Variants in TRIM66 observed in about 807,000 individuals in gnomAD.
TRIM66 encodes tripartite motif-containing protein 66.
TRIM66 carries 99 observed loss-of-function variants against 148.2 expected under a neutral mutation model. The observed-to-expected ratio is 0.67, with a 90% confidence interval of 0.57 to 0.79. TRIM66 has a LOEUF of 0.79. TRIM66 is among the 30% of genes least tolerant of loss of function. The pLI is 0.00. For synonymous variants in TRIM66, 616 were observed against 635.9 expected (o/e 0.97, Z 0.47); for missense variants, 1,666 against 1,697.9 (o/e 0.98, Z 0.33).
Position 8,671,952 on chromosome 11 carries a change from A to G in TRIM66, c.174T>C (p.Ser58=). 1.3e-6 allele frequency: 2 copies of G among 1,535,952 alleles called. No individual in the cohort carries two copies. The highest frequency in any genetic ancestry group is 1.7e-6 in the Non-Finnish European group (2 of 1,146,872). Residue 58 remains serine, a synonymous_variant, in exon 6 of 25, where the codon AGT becomes AGC. Coordinates refer to ENST00000646038, the MANE Select transcript of TRIM66 (RefSeq NM_001388022.1). ...PLAGQKHCPK[S]GQMEAMVMTC... ...TCATTACCATGGCCTCCATCTGTCC[A>G]CTCTTAGGGCAGTGTTTCTGGCCAG...
chr11:8,621,624 C>A, intron 19 of TRIM66, 21 bp downstream of exon 19: 2 of 1,504,490 alleles, frequency 1.3e-6, no homozygotes, highest in South Asian at 1.3e-5. Context: ...GGTTTAAGGC[C>A]AAGGCAAAGC....
rs1214106740 is a variant in TRIM66, at chr11:8,624,557, A to G, written c.2827-6T>C. ...GTGGAATCCTCACTTTCCATCTTTC[A>G]AAAGTGAAATGTCGACAAGAATCAA... On this transcript the variant is annotated splice_polypyrimidine_tract_variant and splice_region_variant and intron_variant, in intron 16 of 24. Transcript: ENST00000646038. 2 of 1,521,568 alleles carry G rather than the reference A, an allele frequency of 1.3e-6. No individual in the cohort carries two copies. Among genetic ancestry groups the G allele is most frequent in the Non-Finnish European group, 1.8e-6 (2 of 1,134,846 alleles). The allele number at this position is 1,521,568 out of a possible 1,614,324, so 94.3% of individuals were successfully genotyped here.
In TRIM66 at chr11:8,621,281, C is replaced by T. The variant is rs981245926; in HGVS notation, c.3296G>A (p.Gly1099Asp). The T allele has an allele frequency of 7.7e-6, 12 of 1,551,566 alleles. No homozygotes were observed. Among genetic ancestry groups the T allele is most frequent in the Non-Finnish European group, 1.0e-5 (12 of 1,147,006 alleles). The part of the protein sequence containing the change: ...DRLSEATQAP[G>D]LEGRKVTVTS... ...GACAGTGACCTTTCTTCCCTCCAGA[C>T]CTGGGGCCTGGGTGGCCTCAGACAG... The change falls in exon 20 of 25, where the codon GGT (glycine) becomes GAT (aspartate). Residue 1099 changes from glycine to aspartate, a missense_variant. Transcript: ENST00000646038.
intron 6 of TRIM66, among the ~76,000 whole-genome samples, chr11:8,666,444 T>A (rs928354558): frequency 1.3e-5 from 2 of 151,154 alleles, no homozygotes; most frequent in African/African-American, 4.9e-5. Context: ...CATGTTTCCA[T>A]CTAACAGGCT....
rs550218863 is a variant in TRIM66 at position 8,658,805 on chromosome 11, G to T, written c.341-6902C>A. 38 of 984,886 alleles carry T rather than the reference G, an allele frequency of 3.9e-5. No homozygotes were observed. In the African/African-American group the frequency reaches 5.9e-4, roughly 15 times the overall value. The allele number at this position is 984,886 out of a possible 1,614,324, so 61.0% of individuals were successfully genotyped here. ...TGCCCCCGGCACTGAAGGAGGGTGTGGGGGGGCCTTCAACAGACATTGAAA... is the reference window on the plus strand; with the variant it reads ...TGCCCCCGGCACTGAAGGAGGGTGTTGGGGGGCCTTCAACAGACATTGAAA... On this transcript the variant is annotated intron_variant, in intron 6 of 24. Transcript: ENST00000646038.
intron 1 of TRIM66, chr11:8,682,316 G>A (rs1565588156): frequency 1.3e-5 from 2 of 158,236 alleles, no homozygotes; most frequent in South Asian, 1.5e-4. Flanking sequence ...GGATTAAAGA[G>A]GGCCTCGCGG....
At position 8,621,803 on chromosome 11, in the gene TRIM66, G is replaced by GCTCA; in HGVS notation, c.3093_3096dup (p.His1033Ter). 6.5e-7 allele frequency: 1 copy of GCTCA among 1,548,324 alleles called. No homozygotes were observed. The highest frequency in any genetic ancestry group is 8.7e-7 in the Non-Finnish European group (1 of 1,145,658). On this transcript the variant is annotated stop_gained and frameshift_variant, in exon 19 of 25. Coordinates refer to ENST00000646038, the MANE Select transcript of TRIM66 (RefSeq NM_001388022.1). LOFTEE classifies it high-confidence loss of function. ...TCCAGTCGCACATAGGGAATCTTATGCTCACTATTGAAGGCTCTGCAGCAA... is the reference window on the plus strand; with the variant it reads ...TCCAGTCGCACATAGGGAATCTTATGCTCACTCACTATTGAAGGCTCTGCAGCAA...
chr11:8,678,523 GCTTATA>G (rs1250879662), intron 3 of TRIM66, among the ~76,000 whole-genome samples: 3 of 152,112 alleles, frequency 2.0e-5, no homozygotes, highest in African/African-American at 4.8e-5. Context: ...GATTTGAGTT[GCTTATA>G]CTTATATTTT....
At chr11:8,621,385 G>A in intron 19 of TRIM66, 64 bp from the exon 20 acceptor site, 3 of 1,490,384 alleles carry the variant, frequency 2.0e-6, no homozygotes, top group Admixed American at 2.2e-5. Flanking sequence ...AGGGAGGGGA[G>A]GGAGAGACTG....
Position 8,620,540 on chromosome 11 carries a change from A to C in TRIM66, c.3578T>G (p.Leu1193Arg). 6.4e-7 allele frequency: 1 copy of C among 1,551,824 alleles called. No individual in the cohort carries two copies. Among genetic ancestry groups the C allele is most frequent in the Non-Finnish European group, 8.7e-7 (1 of 1,147,042 alleles). ...GTCGTACTCCATCTCGGGCTGGGTC[A>C]GGCTGCGGCACAAGGTACACACCCA... Reference protein sequence around the residue: ...GEWVCTLCRSLTQPEMEYDCE... With the variant: ...GEWVCTLCRSRTQPEMEYDCE... The change falls in exon 21 of 25, where the codon CTG (leucine) becomes CGG (arginine). Residue 1193 changes from leucine (L) to arginine (R), a missense_variant. Physicochemically the swap from Leu to Arg is moderately radical, Grantham distance 102. Coordinates refer to ENST00000646038, the MANE Select transcript of TRIM66 (RefSeq NM_001388022.1).
At chr11:8,682,180 G>T (rs774666464) in intron 1 of TRIM66, among the ~76,000 whole-genome samples, 13 of 152,250 alleles carry the variant, frequency 8.5e-5, no homozygotes, top group Non-Finnish European at 1.6e-4. Flanking sequence ...ACAACCAAAT[G>T]ATAGCAAAAG....
intron 17 of TRIM66, among the ~76,000 whole-genome samples, 197 bp from the exon 18 acceptor site, chr11:8,623,073 C>G (rs2034462974): frequency 6.6e-6 from 1 of 152,210 alleles, no homozygotes; most frequent in South Asian, 2.1e-4. Flanking sequence ...GGAAGCCCAC[C>G]TTCTTTTAAA....
intron 15 of TRIM66, among the ~76,000 whole-genome samples, chr11:8,636,840 C>A (rs891972738): frequency 1.3e-5 from 2 of 152,142 alleles, no homozygotes; most frequent in African/African-American, 2.4e-5. Flanking sequence ...AAGACTGAAT[C>A]CCAGTTCCAA....
At chr11:8,630,844 T>C (rs2035325516) in intron 15 of TRIM66, among the ~76,000 whole-genome samples, 1 of 152,206 alleles carries the variant, frequency 6.6e-6, no homozygotes, top group Admixed American at 6.5e-5. Context: ...ACTTGACAAC[T>C]TGCCTGACCT....
intron 4 of TRIM66, among the ~76,000 whole-genome samples, chr11:8,672,767 G>C (rs1217776318): frequency 1.3e-5 from 2 of 151,744 alleles, no homozygotes; most frequent in Non-Finnish European, 2.9e-5. Context: ...AGGTAACTGG[G>C]ATGACAGGTG....
intron 3 of TRIM66, among the ~76,000 whole-genome samples, chr11:8,675,507 C>T (rs11042033): frequency 0.18 from 27,649 of 151,944 alleles, 2,695 homozygotes; most frequent in East Asian, 0.35. Context: ...CTCAGCCTCC[C>T]GAGCAGCTGG....
chr11:8,637,017 T>C (rs1303293643), intron 15 of TRIM66, among the ~76,000 whole-genome samples: 1 of 152,204 alleles, frequency 6.6e-6, no homozygotes, highest in Non-Finnish European at 1.5e-5. Flanking sequence ...TTTTGACTAT[T>C]TGTTCTACCC....
At position 8,625,069 on chromosome 11, in the gene TRIM66, T is replaced by G; in HGVS notation, c.2470A>C (p.Lys824Gln). ...AVPSLLSAPP[K>Q]MVSSLTSVQN... ...ACACTTGTCAGGCTGGACACCATTT[T>G]GGGGGGAGCACTCAGCAGGCTTGGT... The change falls in exon 16 of 25, where the codon AAA becomes CAA. Residue 824 changes from lysine to glutamine, a missense_variant. Coordinates refer to ENST00000646038, the MANE Select transcript of TRIM66 (RefSeq NM_001388022.1). The G allele has an allele frequency of 6.4e-7, 1 of 1,551,692 alleles. No homozygotes were observed.
intron 19 of TRIM66, 64 bp downstream of exon 19, chr11:8,621,581 T>C (rs1409835823): frequency 6.9e-7 from 1 of 1,455,924 alleles, no homozygotes; most frequent in Non-Finnish European, 9.1e-7. Context: ...ATTCGGGCAG[T>C]AGCAGAAAGA....
Sources: allele counts gnomAD v4.1 joint callset (sites outside exome capture counted in the v4.1 genomes callset), GRCh38; gene constraint gnomAD v4.1.1; transcripts MANE v1.5; gene names NCBI Gene and HGNC (gene_info 2026-07-23, HGNC 2026-07-21).